The following SAMD5 variants were observed in gnomAD, a reference collection of about 807,000 sequenced individuals.
SAMD5 encodes sterile alpha motif domain containing 5.
In SAMD5, 13 loss-of-function variants were observed where a neutral mutation model predicts 11.3. The ratio of observed to expected loss-of-function variants is 1.15; its 90% CI spans 0.75 to 1.83. The LOEUF (loss-of-function observed/expected upper bound fraction) is 1.83, where lower values mean the gene tolerates loss of function less well. Among genes scored for constraint, SAMD5 ranks in the 40% most tolerant of loss-of-function variants. The pLI, the probability that SAMD5 is intolerant of heterozygous loss-of-function variation, is 0.00. For missense variants in SAMD5, 255 were observed against 239.1 expected (o/e 1.07, Z -0.44); for synonymous variants, 129 against 111.3 (o/e 1.16, Z -1.00).
intron 1 of SAMD5, among the ~76,000 whole-genome samples, chr6:147,676,435 C>T (rs1049993651): frequency 6.6e-6 from 1 of 152,208 alleles, no homozygotes; most frequent in Non-Finnish European, 1.5e-5. Flanking sequence ...TCCTTCCCAA[C>T]TCTCAGCACT....
the SAMD5 span, among the ~76,000 whole-genome samples, chr6:147,785,454 A>T: frequency 5.3e-5 from 8 of 151,936 alleles, no homozygotes; most frequent in African/African-American, 1.9e-4. Context: ...TTCCTTCCTA[A>T]ACCCTCCTAG....
intron 1 of SAMD5, among the ~76,000 whole-genome samples, chr6:147,621,528 C>G (rs1280502954): frequency 1.3e-5 from 2 of 152,196 alleles, no homozygotes; most frequent in Admixed American, 6.5e-5. Flanking sequence ...ACAGAGCTAT[C>G]CCCCATCCCA....
At chr6:147,688,832 TG>T (rs1167930841) in intron 1 of SAMD5, among the ~76,000 whole-genome samples, 1 of 152,236 alleles carries the variant, frequency 6.6e-6, no homozygotes, top group Non-Finnish European at 1.5e-5. Context: ...GGACACTTTT[TG>T]TTTGTAACAA....
chr6:147,829,220 G>A, the SAMD5 span, among the ~76,000 whole-genome samples: 4 of 152,302 alleles, frequency 2.6e-5, no homozygotes, highest in South Asian at 8.3e-4. Flanking sequence ...TCAAGCCAGT[G>A]GAGCAAATAC....
chr6:147,548,918 T>C (rs1341620827), intron 1 of SAMD5, among the ~76,000 whole-genome samples: 1 of 152,158 alleles, frequency 6.6e-6, no homozygotes, highest in African/African-American at 2.4e-5. Flanking sequence ...CTTTGAACTC[T>C]GACATGCTTT....
chr6:147,912,789 A>C, the SAMD5 span, among the ~76,000 whole-genome samples: 5 of 152,294 alleles, frequency 3.3e-5, no homozygotes, highest in South Asian at 8.3e-4. Context: ...AGTGATTTTC[A>C]GGATAAAGTG....
chr6:147,534,839 C>A lies in SAMD5; in HGVS notation c.459+25452C>A, dbSNP rs756034135. On this transcript the variant is annotated intron_variant, in intron 1 of 1. Coordinates refer to ENST00000367474, the MANE Select transcript of SAMD5 (RefSeq NM_001030060.3). ...TAAACCATAATTTTTAATTTTGTGG[C>A]GGATGTTAGTCCTACAAAAGCAATC... Among the ~76,000 whole-genome samples the A allele has an allele frequency of 1.3e-4, 20 of 152,084 alleles. 1 individual carries two copies. The highest frequency in any genetic ancestry group is 7.4e-5 in the Non-Finnish European group (5 of 68,020).
At chr6:147,931,692 T>A in the SAMD5 span, among the ~76,000 whole-genome samples, 1 of 152,356 alleles carries the variant, frequency 6.6e-6, no homozygotes, top group East Asian at 1.9e-4. Flanking sequence ...TTTGTTGTGC[T>A]GCAGAGCAAG....
intron 1 of SAMD5, among the ~76,000 whole-genome samples, chr6:147,688,494 GT>G (rs1791050109): frequency 1.3e-5 from 2 of 152,156 alleles, no homozygotes; most frequent in Non-Finnish European, 2.9e-5. Flanking sequence ...TTGAAATTTG[GT>G]TTTAACCTTG....
intron 1 of SAMD5, among the ~76,000 whole-genome samples, chr6:147,542,007 GA>G (rs1451238922): frequency 1.3e-5 from 2 of 152,068 alleles, no homozygotes; most frequent in Non-Finnish European, 2.9e-5. Context: ...GAGAAGGAAG[GA>G]GGCATTGGCA....
intron 1 of SAMD5, among the ~76,000 whole-genome samples, chr6:147,547,758 A>G (rs1788709074): frequency 6.6e-6 from 1 of 152,184 alleles, no homozygotes; most frequent in African/African-American, 2.4e-5. Context: ...ATTACACAAG[A>G]AGAGGAATCA....
At chr6:147,578,358 C>A (rs1789248254) in intron 1 of SAMD5, among the ~76,000 whole-genome samples, 1 of 152,146 alleles carries the variant, frequency 6.6e-6, no homozygotes, top group African/African-American at 2.4e-5. Context: ...GTGTCATACC[C>A]ATTTCCATTC....
At chr6:147,597,772 G>A (rs1237080706) in intron 1 of SAMD5, among the ~76,000 whole-genome samples, 2 of 152,322 alleles carry the variant, frequency 1.3e-5, no homozygotes, top group Middle Eastern at 3.4e-3. Context: ...TGAGCCCCAG[G>A]TTCCCTGAAC....
chr6:147,517,502 T>TGATAAATCAGTGTA (rs151108525), intron 1 of SAMD5, among the ~76,000 whole-genome samples: 2 of 151,602 alleles, frequency 1.3e-5, no homozygotes, highest in African/African-American at 4.9e-5. Flanking sequence ...GGGTGTTTGA[T>TGATAAATCAGTGTA]GATTTTTAGT....
chr6:147,799,277 C>G, the SAMD5 span, among the ~76,000 whole-genome samples: 1 of 152,084 alleles, frequency 6.6e-6, no homozygotes, highest in Non-Finnish European at 1.5e-5. Flanking sequence ...GTGACAAAAT[C>G]TCTCAGCATT....
intron 1 of SAMD5, among the ~76,000 whole-genome samples, chr6:147,705,444 A>C (rs1671682732): frequency 6.6e-6 from 1 of 152,220 alleles, no homozygotes; most frequent in Non-Finnish European, 1.5e-5. Flanking sequence ...TATCCATTTA[A>C]ATATTCATTT....
the SAMD5 span, among the ~76,000 whole-genome samples, chr6:147,904,944 G>T: frequency 6.7e-6 from 1 of 148,972 alleles, no homozygotes; most frequent in African/African-American, 2.5e-5. Flanking sequence ...GCTGGAGTGC[G>T]ATGGTGCGAT....
intron 1 of SAMD5, among the ~76,000 whole-genome samples, chr6:147,733,465 C>G (rs1791749664): frequency 6.6e-6 from 1 of 152,128 alleles, no homozygotes; most frequent in African/African-American, 2.4e-5. Context: ...GGCATTGAAA[C>G]AACTGGACTG....
intron 1 of SAMD5, among the ~76,000 whole-genome samples, chr6:147,693,112 G>T (rs920782528): frequency 3.9e-5 from 6 of 152,228 alleles, no homozygotes; most frequent in Admixed American, 2.0e-4. Flanking sequence ...CAAGGCCTGG[G>T]CCAGGAGTCT....
Sources: allele counts gnomAD v4.1 joint callset (sites outside exome capture counted in the v4.1 genomes callset), GRCh38; gene constraint gnomAD v4.1.1; transcripts MANE v1.5; gene names NCBI Gene and HGNC (gene_info 2026-07-23, HGNC 2026-07-21).